The following MAP2K1 variants were observed in gnomAD, a reference collection of about 807,000 sequenced individuals.
MAP2K1 encodes the protein mitogen-activated protein kinase kinase 1.
In MAP2K1, 16 loss-of-function variants were observed where a neutral mutation model predicts 46.3. The observed-to-expected ratio is 0.35, with a 90% confidence interval of 0.23 to 0.52. The LOEUF (loss-of-function observed/expected upper bound fraction) is 0.52. Among genes scored for constraint, MAP2K1 ranks in the 20% least tolerant of loss-of-function variants. The probability of loss-of-function intolerance (pLI) is 0.94; values close to 1 mark genes in which losing one functional copy is unlikely to be tolerated. For missense variants in MAP2K1, 263 were observed against 497.1 expected, an observed-to-expected ratio of 0.53 and a Z score of 4.48; for synonymous variants, 183 against 185.6, an observed-to-expected ratio of 0.99 and a Z score of 0.11.
In MAP2K1 at chr15:66,436,802, G is replaced by A. The variant is rs2140583690; in HGVS notation, c.348G>A (p.Gln116=). The A allele has an allele frequency of 6.2e-7, 1 of 1,614,206 alleles. No homozygotes were observed. Among genetic ancestry groups the A allele is most frequent in the South Asian group, 1.1e-5 (1 of 91,088 alleles). ...AIRNQIIREL[Q]VLHECNSPYI... is the part of the protein sequence containing the mutation. ...GGAACCAGATCATAAGGGAGCTGCA[G>A]GTTCTGCATGAGTGCAACTCTCCGT... Residue 116 remains glutamine, a synonymous_variant, in exon 3 of 11, where the codon CAG becomes CAA. Transcript: ENST00000307102.
intron 1 of MAP2K1, among the ~76,000 whole-genome samples, chr15:66,402,496 T>G (rs1164105115): frequency 6.6e-6 from 1 of 152,198 alleles, no homozygotes; most frequent in Non-Finnish European, 1.5e-5. Context: ...CATATATATT[T>G]TTTAATTTGG....
At chr15:66,413,036 C>T (rs1185007192) in intron 1 of MAP2K1, among the ~76,000 whole-genome samples, 1 of 152,136 alleles carries the variant, frequency 6.6e-6, no homozygotes, top group Non-Finnish European at 1.5e-5. Context: ...GCTGGGACTA[C>T]AGGTGCTCGC....
rs112553353 is a variant in MAP2K1, at chr15:66,414,997, A to G, written c.81-20030A>G. ...GTAGGAAAGGCAGTAGCTGAAGAGC[A>G]CGTAGCTTGCCAGCACCATGGTAAC... On this transcript the variant is annotated intron_variant, in intron 1 of 10. Transcript: ENST00000307102. The G allele has an allele frequency of 1.3e-3, 608 of 452,360 alleles. 1 individual carries two copies. The highest frequency in any genetic ancestry group is 1.9e-3 in the Non-Finnish European group (423 of 225,200). 28.0% of individuals were successfully genotyped at this position (452,360 alleles called of 1,614,324 possible).
At chr15:66,481,131 G>A (rs563743760) in intron 5 of MAP2K1, among the ~76,000 whole-genome samples, 126 of 152,196 alleles carry the variant, frequency 8.3e-4, no homozygotes, top group Non-Finnish European at 1.7e-3. Context: ...GGTAGCAAGG[G>A]GTTCCCCTTG....
At chr15:66,418,247 G>T (rs1455939522) in intron 1 of MAP2K1, among the ~76,000 whole-genome samples, 2 of 152,174 alleles carry the variant, frequency 1.3e-5, no homozygotes, top group Non-Finnish European at 2.9e-5. Flanking sequence ...GATATTTCCT[G>T]TTATAGCTGA....
At position 66,387,234 on chromosome 15, in the gene MAP2K1, C is replaced by G; in HGVS notation, c.-114C>G. On this transcript the variant is annotated 5_prime_UTR_variant, in exon 1 of 11. Transcript: ENST00000307102. Reference sequence around the variant, plus strand: ...GGGGCGCACCCGCTGAAGGCAGCCCCGGGGCCCGCGGCCCGGACTTGGTCC... The same window carrying G: ...GGGGCGCACCCGCTGAAGGCAGCCCGGGGGCCCGCGGCCCGGACTTGGTCC... 1.2e-6 allele frequency: 1 copy of G among 854,938 alleles called. No individual in the cohort carries two copies. The highest frequency in any genetic ancestry group is 3.0e-5 in the East Asian group (1 of 33,860). 53.0% of individuals were successfully genotyped at this position (854,938 alleles called of 1,614,324 possible).
chr15:66,455,088 G>T (rs1380197087), intron 5 of MAP2K1, among the ~76,000 whole-genome samples: 2 of 152,208 alleles, frequency 1.3e-5, no homozygotes, highest in East Asian at 3.9e-4. Context: ...CTTATTTAGG[G>T]GGTAGGCATG....
At chr15:66,453,088 TTC>T (rs1892078552) in intron 5 of MAP2K1, among the ~76,000 whole-genome samples, 1 of 152,208 alleles carries the variant, frequency 6.6e-6, no homozygotes, top group Non-Finnish European at 1.5e-5. Context: ...AACACAGTGT[TTC>T]TTTCTAGTCC....
intron 1 of MAP2K1, among the ~76,000 whole-genome samples, chr15:66,405,362 A>G (rs1054101167): frequency 6.6e-6 from 1 of 152,234 alleles, no homozygotes; most frequent in African/African-American, 2.4e-5. Flanking sequence ...TGCACTGCCC[A>G]CATTTCAAGG....
intron 5 of MAP2K1, among the ~76,000 whole-genome samples, chr15:66,467,805 C>T (rs561581246): frequency 2.0e-5 from 3 of 152,342 alleles, no homozygotes; most frequent in South Asian, 2.1e-4. Flanking sequence ...AAGTGATCTG[C>T]CTGCCTTGGC....
chr15:66,411,380 T>G (rs1213409628), intron 1 of MAP2K1, among the ~76,000 whole-genome samples: 5 of 152,182 alleles, frequency 3.3e-5, no homozygotes, highest in African/African-American at 9.7e-5. Flanking sequence ...AGGAAGTAGC[T>G]TCTTAGGCAG....
At chr15:66,423,442 CTTT>C (rs35710848) in intron 1 of MAP2K1, among the ~76,000 whole-genome samples, 5 of 139,236 alleles carry the variant, frequency 3.6e-5, no homozygotes, top group Admixed American at 7.3e-5. Context: ...TTTTTCTTTC[CTTT>C]TTTTTTTTTT....
intron 5 of MAP2K1, among the ~76,000 whole-genome samples, chr15:66,461,849 T>C (rs1417068819): frequency 1.3e-5 from 2 of 152,164 alleles, no homozygotes; most frequent in Non-Finnish European, 2.9e-5. Context: ...GCTTCCTGGG[T>C]GATCCTGGCA....
At chr15:66,448,178 C>T (rs1891930597) in intron 5 of MAP2K1, among the ~76,000 whole-genome samples, 1 of 149,758 alleles carries the variant, frequency 6.7e-6, no homozygotes, top group South Asian at 2.1e-4. Flanking sequence ...AAAAAACCCA[C>T]TATTTCCCCC....
chr15:66,487,718 G>A (rs537153856), intron 8 of MAP2K1, among the ~76,000 whole-genome samples: 1 of 152,326 alleles, frequency 6.6e-6, no homozygotes, highest in East Asian at 1.9e-4. Context: ...TAGAAAAGCA[G>A]TTTCAGGATT....
At chr15:66,468,673 C>T (rs1253316210) in intron 5 of MAP2K1, among the ~76,000 whole-genome samples, 6 of 152,152 alleles carry the variant, frequency 3.9e-5, no homozygotes, top group Admixed American at 2.6e-4. Context: ...TGGCTCACAC[C>T]TGTAATCCCA....
chr15:66,405,564 CA>C (rs1426285255), intron 1 of MAP2K1, among the ~76,000 whole-genome samples: 1 of 152,216 alleles, frequency 6.6e-6, no homozygotes, highest in Non-Finnish European at 1.5e-5. Flanking sequence ...CGTTCAGCAT[CA>C]GACAGCTAAT....
intron 5 of MAP2K1, among the ~76,000 whole-genome samples, chr15:66,469,246 A>C (rs1203758809): frequency 2.0e-5 from 3 of 152,194 alleles, no homozygotes; most frequent in Non-Finnish European, 2.9e-5. Context: ...ACAGAGCAAG[A>C]CTCCGTCTCA....
At chr15:66,488,724 C>G (rs190699154) in intron 8 of MAP2K1, 1 of 169,408 alleles carries the variant, frequency 5.9e-6, no homozygotes, top group South Asian at 1.5e-4. Context: ...TTTTAAAAAC[C>G]GGTTTGCTTC....
Sources: allele counts gnomAD v4.1 joint callset (sites outside exome capture counted in the v4.1 genomes callset), GRCh38; gene constraint gnomAD v4.1.1; transcripts MANE v1.5; gene names NCBI Gene and HGNC (gene_info 2026-07-23, HGNC 2026-07-21).